Variants in THBS1 observed in about 807,000 individuals in gnomAD.
The protein encoded by THBS1 is thrombospondin 1.
Under a neutral mutation model 126.1 loss-of-function variants are expected in THBS1, and 29 were observed. The ratio of observed to expected loss-of-function variants is 0.23; its 90% CI spans 0.17 to 0.31. The LOEUF is 0.31. Among genes scored for constraint, THBS1 ranks in the 10% least tolerant of loss-of-function variants. The probability of loss-of-function intolerance (pLI) is 1.00; values close to 1 mark genes in which losing one functional copy is unlikely to be tolerated. For missense variants in THBS1, 1,198 were observed against 1,545.2 expected (o/e 0.78, Z 3.77); for synonymous variants, 496 against 577.8 (o/e 0.86, Z 2.03).
At chr15:39,587,920 G>A (rs765398048) in intron 8 of THBS1, 122 bp from the exon 9 acceptor site, 29 of 961,084 alleles carry the variant, frequency 3.0e-5, no homozygotes, top group South Asian at 2.1e-4. Flanking sequence ...AATTTCTACC[G>A]TACACTGGGT....
intron 16 of THBS1, among the ~76,000 whole-genome samples, 196 bp downstream of exon 16, chr15:39,591,819 T>C (rs192973041): frequency 0.011 from 1,715 of 152,340 alleles, 21 homozygotes; most frequent in Non-Finnish European, 0.018. Flanking sequence ...CACAGATCTT[T>C]AGCATGAAGA....
At position 39,594,271 on chromosome 15, in the gene THBS1, G is replaced by A; in HGVS notation, c.3366-30G>A. ...AAGACAAAAAGTATTAAATAGCATT[G>A]TCACTAAACAAGATTTTTTTTCCCT... On this transcript the variant is annotated intron_variant, in intron 20 of 21. Coordinates refer to ENST00000260356, the MANE Select transcript of THBS1 (RefSeq NM_003246.4). This position sits in a 1 kb window ranked among gnomAD's most constrained non-coding sequence, Gnocchi z 4.4. 6.2e-7 allele frequency: 1 copy of A among 1,613,894 alleles called. No homozygotes were observed. The highest frequency in any genetic ancestry group is 8.5e-7 in the Non-Finnish European group (1 of 1,179,930).
At position 39,596,982 on chromosome 15, in the gene THBS1, A is replaced by C. The variant is rs1890462188; in HGVS notation, c.*1613A>C. The C allele has an allele frequency of 6.6e-6, 1 of 152,266 alleles. No homozygotes were observed. The highest frequency in any genetic ancestry group is 2.4e-5 in the African/African-American group (1 of 41,480). The allele number at this position is 152,266 out of a possible 1,614,324, so 9.4% of individuals were successfully genotyped here. A position where few individuals can be genotyped will look rare whatever the true frequency, so the allele number is the denominator to read the frequency against. On this transcript the variant is annotated 3_prime_UTR_variant, in exon 22 of 22. Transcript: ENST00000260356. ...CTTAAAGCTACTGTAGTACCTAAAAAGTCAGTGTTGTACATAGCATAAAAA... is the reference window on the plus strand; with the variant it reads ...CTTAAAGCTACTGTAGTACCTAAAACGTCAGTGTTGTACATAGCATAAAAA...
intron 9 of THBS1, 74 bp downstream of exon 9, chr15:39,588,292 CT>C: frequency 6.5e-7 from 1 of 1,538,814 alleles, no homozygotes; most frequent in Non-Finnish European, 8.8e-7. Context: ...CATCTGCAGC[CT>C]GCAGTTCAGT....
chr15:39,590,748 G>A, intron 14 of THBS1, 125 bp downstream of exon 14: 1 of 738,426 alleles, frequency 1.4e-6, no homozygotes, highest in Non-Finnish European at 2.3e-6. Context: ...AGGATAATTA[G>A]AAATTATTCA....
Position 39,593,854 on chromosome 15 carries a change from C to T in THBS1, c.3267+186C>T. ...GAAAAGGGAGCTTGACCAAGAATTG[C>T]CCTGCAAATCCTAAGGTGCCTTCAG... is the stretch of plus-strand genomic sequence containing the variant. On this transcript the variant is annotated intron_variant, in intron 19 of 21. Transcript: ENST00000260356. The surrounding 1 kb of genome is among the most constrained non-coding windows in gnomAD (Gnocchi z 5.9). 2 of 1,013,862 alleles carry T rather than the reference C, an allele frequency of 2.0e-6. No individual in the cohort carries two copies. Among genetic ancestry groups the T allele is most frequent in the Non-Finnish European group, 2.8e-6 (2 of 711,188 alleles). The allele number at this position is 1,013,862 out of a possible 1,614,324, so 62.8% of individuals were successfully genotyped here. A position where few individuals can be genotyped will look rare whatever the true frequency, so the allele number is the denominator to read the frequency against.
Position 39,589,009 on chromosome 15 carries a change from C to G in THBS1, c.1696C>G (p.Pro566Ala). Residue 566 changes from proline (P) to alanine (A), a missense_variant, in exon 11 of 22, where the codon CCT (proline) becomes GCT (alanine). Pro to Ala is a conservative substitution (Grantham distance 27). Transcript: ENST00000260356. This position sits in a 1 kb window ranked among gnomAD's most constrained non-coding sequence, Gnocchi z 4.7. Reference protein sequence around the residue: ...CFAGVKCTSYPDGSWKCGACP... With the variant: ...CFAGVKCTSYADGSWKCGACP... ...TGCCGGCGTGAAGTGTACTAGCTAC[C>G]CTGATGGCAGCTGGAAATGTGGTGC... 18 of 1,614,126 alleles carry G rather than the reference C, an allele frequency of 1.1e-5. No individual in the cohort carries two copies. Among genetic ancestry groups the G allele is most frequent in the Non-Finnish European group, 1.5e-5 (18 of 1,180,026 alleles).
intron 3 of THBS1, 45 bp from the exon 4 acceptor site, chr15:39,583,572 A>ACC: frequency 1.3e-6 from 1 of 783,562 alleles, no homozygotes; most frequent in Non-Finnish European, 2.1e-6. Context: ...CCCCATCCCC[A>ACC]CCCCGCTCTG....
chr15:39,589,846 C>T lies in THBS1; in HGVS notation c.1968C>T (p.Asp656=). ...ACCCCTGCACGGATGGGACCCACGA[C>T]TGCAACAAGAACGCCAAGTGCAACT... The part of the protein sequence containing the change: ...PRNPCTDGTH[D]CNKNAKCNYL... The change falls in exon 13 of 22, where the codon GAC becomes GAT. Residue 656 remains aspartate, a synonymous_variant. Transcript: ENST00000260356. The surrounding 1 kb of genome is among the most constrained non-coding windows in gnomAD (Gnocchi z 4.7). 3 of 1,614,098 alleles carry T rather than the reference C, an allele frequency of 1.9e-6. No individual in the cohort carries two copies. The highest frequency in any genetic ancestry group is 2.5e-6 in the Non-Finnish European group (3 of 1,179,972).
At position 39,589,538 on chromosome 15, in the gene THBS1, G is replaced by GTC. The variant is rs1394524020; in HGVS notation, c.1926+186_1926+187dup. ...TGGTAAATCCTGCAGGGGAAAAACA[G>GTC]TCTTCCATATTTAAAAATGCTGCTC... is the stretch of plus-strand genomic sequence containing the variant. On this transcript the variant is annotated intron_variant, in intron 12 of 21. Transcript: ENST00000260356. This position sits in a 1 kb window ranked among gnomAD's most constrained non-coding sequence, Gnocchi z 4.7. 6.6e-6 allele frequency among the ~76,000 whole-genome samples: 1 copy of GTC among 152,178 alleles called. No individual in the cohort carries two copies. The highest frequency in any genetic ancestry group is 1.9e-4 in the East Asian group (1 of 5,202).
rs774130649 is a variant in THBS1, at chr15:39,589,844, G to A, written c.1966G>A (p.Asp656Asn). The A allele has an allele frequency of 2.4e-5, 39 of 1,613,872 alleles. No homozygotes were observed. The Admixed American group carries it at 3.7e-4, about 15-fold the overall frequency. Residue 656 changes from aspartate to asparagine, a missense_variant, in exon 13 of 22, where the codon GAC becomes AAC. Coordinates refer to ENST00000260356, the MANE Select transcript of THBS1 (RefSeq NM_003246.4). This position sits in a 1 kb window ranked among gnomAD's most constrained non-coding sequence, Gnocchi z 4.7. Reference protein sequence around the residue: ...PRNPCTDGTHDCNKNAKCNYL... With the variant: ...PRNPCTDGTHNCNKNAKCNYL... ...TAACCCCTGCACGGATGGGACCCAC[G>A]ACTGCAACAAGAACGCCAAGTGCAA...
In THBS1 at chr15:39,598,978, G is replaced by A. The variant is rs1297240028; in HGVS notation, c.*3609G>A. The A allele has an allele frequency of 2.0e-5, 3 of 152,070 alleles. No homozygotes were observed. The highest frequency in any genetic ancestry group is 4.4e-5 in the Non-Finnish European group (3 of 68,032). 9.4% of individuals were successfully genotyped at this position (152,070 alleles called of 1,614,324 possible). A position where few individuals can be genotyped will look rare whatever the true frequency, so the allele number is the denominator to read the frequency against. On this transcript the variant is annotated 3_prime_UTR_variant, in exon 22 of 22. Coordinates refer to ENST00000260356, the MANE Select transcript of THBS1 (RefSeq NM_003246.4). Reference sequence around the variant, plus strand: ...GCTCTGTCGCCCAGGCTGGAGTGCAGTGACACAATCTCGGCTCACTGCAAC... The same window carrying A: ...GCTCTGTCGCCCAGGCTGGAGTGCAATGACACAATCTCGGCTCACTGCAAC...
rs370731208 is a variant in THBS1, at chr15:39,582,261, C to T, written c.136C>T (p.Arg46Cys). The T allele has an allele frequency of 5.0e-5, 80 of 1,614,090 alleles. No individual in the cohort carries two copies. The African/African-American group carries it at 5.3e-4, about 11-fold the overall frequency. ...CGGGGCCGCCCGCAAGGGGTCTGGG[C>T]GCCGACTGGTGAAGGGCCCCGACCC... ...LTGAARKGSG[R>C]RLVKGPDPSS... Residue 46 changes from arginine to cysteine, a missense_variant, in exon 3 of 22, where the codon CGC becomes TGC. Physicochemically the swap from Arg to Cys is radical, Grantham distance 180. Coordinates refer to ENST00000260356, the MANE Select transcript of THBS1 (RefSeq NM_003246.4).
chr15:39,591,086 A>G, intron 14 of THBS1, 105 bp from the exon 15 acceptor site: 1 of 1,287,672 alleles, frequency 7.8e-7, no homozygotes, highest in Non-Finnish European at 1.1e-6. Context: ...CTAGGTAGAA[A>G]GTATTGCTGA....
rs886221647 is a variant in THBS1 at position 39,593,307 on chromosome 15, A to G, written c.2995+80A>G. ...AATATAAAACCTGGCAGTTGTACCT[A>G]TCCCTGTGGGTGCTGAGGATGTCTA... On this transcript the variant is annotated intron_variant, in intron 18 of 21. Coordinates refer to ENST00000260356, the MANE Select transcript of THBS1 (RefSeq NM_003246.4). The surrounding 1 kb of genome is among the most constrained non-coding windows in gnomAD (Gnocchi z 5.9). 1.9e-6 allele frequency: 3 copies of G among 1,611,660 alleles called. No individual in the cohort carries two copies. The highest frequency in any genetic ancestry group is 2.5e-6 in the Non-Finnish European group (3 of 1,177,916).
intron 16 of THBS1, 82 bp downstream of exon 16, chr15:39,591,705 A>G (rs1890331648): frequency 7.7e-7 from 1 of 1,303,626 alleles, no homozygotes; most frequent in Admixed American, 1.7e-5. Context: ...TGAGCTTAAC[A>G]AAGTTCAAAC....
chr15:39,588,529 A>G lies in THBS1; in HGVS notation c.1475A>G (p.Asn492Ser), dbSNP rs565503242. 7 of 1,547,824 alleles carry G rather than the reference A, an allele frequency of 4.5e-6. 1 individual carries two copies. In the African/African-American group the frequency reaches 6.9e-5, roughly 15 times the overall value. ...KACKKDACPINGGWGPWSPWD... is the reference protein window; with the variant it reads ...KACKKDACPISGGWGPWSPWD... ...CCTGTGGTTCATCTTCTTACAGTCA[A>G]TGGAGGCTGGGGTCCTTGGTCACCA... Residue 492 changes from asparagine to serine, a missense_variant, in exon 10 of 22, where the codon AAT becomes AGT. Coordinates refer to ENST00000260356, the MANE Select transcript of THBS1 (RefSeq NM_003246.4).
intron 7 of THBS1, chr15:39,586,934 GC>G (rs1890219314): frequency 1.3e-5 from 2 of 158,154 alleles, no homozygotes; most frequent in African/African-American, 4.8e-5. Context: ...TGGGCCGTTG[GC>G]CTAAGAAATA....
chr15:39,582,088 C>G, intron 2 of THBS1, 105 bp from the exon 3 acceptor site: 1 of 1,373,532 alleles, frequency 7.3e-7, no homozygotes. Context: ...TCAGTGGTTG[C>G]CAGGAGTTTT....
Sources: allele counts gnomAD v4.1 joint callset (sites outside exome capture counted in the v4.1 genomes callset), GRCh38; gene constraint gnomAD v4.1.1; non-coding constraint Gnocchi (gnomAD v3.1); transcripts MANE v1.5; gene names NCBI Gene and HGNC (gene_info 2026-07-23, HGNC 2026-07-21).